Variants in DMD observed in about 807,000 individuals in gnomAD.
DMD encodes the protein mutant dystrophin.
In DMD, 63 loss-of-function variants were observed where a neutral mutation model predicts 330.1. That is an observed-to-expected ratio of 0.19 (90% CI 0.16 to 0.24). The LOEUF (loss-of-function observed/expected upper bound fraction) is 0.24, where lower values mean the gene tolerates loss of function less well. Among genes scored for constraint, DMD ranks in the 10% least tolerant of loss-of-function variants. The pLI, the probability that DMD is intolerant of heterozygous loss-of-function variation, is 1.00. For missense variants in DMD, 3,344 were observed against 2,684.1 expected (o/e 1.25, Z -5.43); for synonymous variants, 1,223 against 959.8 (o/e 1.27, Z -5.07).
intron 44 of DMD, among the ~76,000 whole-genome samples, chrX:32,186,355 G>A (rs182829881): frequency 2.7e-5 from 3 of 110,642 alleles, no homozygotes; most frequent in South Asian, 3.7e-4. Context: ...AATGTAACTC[G>A]CTGTTTTATG....
chrX:32,491,715 A>G (rs1191014379), intron 19 of DMD, among the ~76,000 whole-genome samples, 197 bp from the exon 20 acceptor site: 2 of 111,988 alleles, frequency 1.8e-5, no homozygotes, highest in African/African-American at 6.5e-5. Flanking sequence ...GCGTCACAAC[A>G]ATGAATATCA....
chrX:33,181,212 A>G (rs2049985596), intron 1 of DMD, among the ~76,000 whole-genome samples: 1 of 111,631 alleles, frequency 9.0e-6, no homozygotes, highest in African/African-American at 3.3e-5. Flanking sequence ...GTTAGATTAC[A>G]TGACTGACAG....
intron 41 of DMD, 75 bp downstream of exon 41, chrX:32,342,021 CTTTT>C (rs3833416): frequency 6.6e-5 from 65 of 985,886 alleles, no homozygotes; most frequent in Non-Finnish European, 8.4e-5. Flanking sequence ...TTTTTTGTCT[CTTTT>C]TTTTTTATTA....
At chrX:33,250,832 A>G (rs1300070371) in intron 1 of DMD, among the ~76,000 whole-genome samples, 3 of 111,188 alleles carry the variant, frequency 2.7e-5, no homozygotes, top group East Asian at 2.8e-4. Flanking sequence ...AGAGGAATGC[A>G]GTTGTAAAGA....
At chrX:32,115,209 C>T (rs1441745126) in intron 44 of DMD, among the ~76,000 whole-genome samples, 7 of 111,268 alleles carry the variant, frequency 6.3e-5, no homozygotes, top group Non-Finnish European at 1.1e-4. Flanking sequence ...TCTTTAAAAA[C>T]CATCTAAGGG....
intron 2 of DMD, among the ~76,000 whole-genome samples, chrX:32,887,998 A>G (rs1214978764): frequency 9.1e-6 from 1 of 110,492 alleles, no homozygotes; most frequent in African/African-American, 3.3e-5. Context: ...AAAATATATA[A>G]GAAACCTTAA....
chrX:32,252,268 A>G (rs1004522186), intron 43 of DMD, among the ~76,000 whole-genome samples: 1 of 110,456 alleles, frequency 9.1e-6, no homozygotes, highest in Non-Finnish European at 1.9e-5. Flanking sequence ...CTCTGCTTCA[A>G]TACTTTTCCT....
intron 60 of DMD, among the ~76,000 whole-genome samples, chrX:31,355,229 T>C (rs973892074): frequency 4.5e-5 from 5 of 112,248 alleles, no homozygotes; most frequent in Non-Finnish European, 1.9e-5. Context: ...TTGACCTTTC[T>C]GTTAATTACT....
At chrX:32,317,252 T>G (rs2097585693) in intron 41 of DMD, among the ~76,000 whole-genome samples, 1 of 111,513 alleles carries the variant, frequency 9.0e-6, no homozygotes, top group Admixed American at 9.6e-5. Context: ...ACTAGCCTCA[T>G]TTTCTAGAAA....
At chrX:33,307,293 T>A (rs757635826) in intron 1 of DMD, among the ~76,000 whole-genome samples, 2 of 112,045 alleles carry the variant, frequency 1.8e-5, no homozygotes, top group South Asian at 7.4e-4. Context: ...TAATAAAAAT[T>A]CAGATGTTAT....
At chrX:32,053,746 T>C (rs1009763467) in intron 44 of DMD, among the ~76,000 whole-genome samples, 2 of 111,579 alleles carry the variant, frequency 1.8e-5, no homozygotes, top group Non-Finnish European at 3.8e-5. Context: ...TGCAATCTCC[T>C]AATTGCATCT....
At chrX:31,412,301 G>A (rs911823231) in intron 60 of DMD, among the ~76,000 whole-genome samples, 5 of 110,063 alleles carry the variant, frequency 4.5e-5, no homozygotes, top group African/African-American at 1.7e-4. Context: ...TGCAAGTACT[G>A]TTGATTGTCC....
intron 55 of DMD, among the ~76,000 whole-genome samples, chrX:31,608,503 G>A (rs901842011): frequency 2.7e-5 from 3 of 111,753 alleles, no homozygotes; most frequent in Non-Finnish European, 5.7e-5. Context: ...TTATCATACA[G>A]ATGGCTAATA....
intron 9 of DMD, among the ~76,000 whole-genome samples, chrX:32,680,813 T>TAC (rs370094438): frequency 0.043 from 4,581 of 107,645 alleles, 238 homozygotes; most frequent in African/African-American, 0.13. Context: ...CAGAAACACA[T>TAC]ACACACACAC....
chrX:32,080,512 G>A (rs1349897213), intron 44 of DMD, among the ~76,000 whole-genome samples: 1 of 112,185 alleles, frequency 8.9e-6, no homozygotes, highest in African/African-American at 3.2e-5. Flanking sequence ...CAATATAAGT[G>A]CAAGCTTTTT....
intron 11 of DMD, among the ~76,000 whole-genome samples, chrX:32,628,413 T>A (rs1460219705): frequency 9.4e-6 from 1 of 106,714 alleles, no homozygotes; most frequent in African/African-American, 3.4e-5. Context: ...GATCTCATTC[T>A]TTCTTAGTCA....
At chrX:32,603,294 T>C (rs1485962308) in intron 12 of DMD, among the ~76,000 whole-genome samples, 1 of 110,968 alleles carries the variant, frequency 9.0e-6, no homozygotes, top group African/African-American at 3.3e-5. Flanking sequence ...AAGGAAGAAA[T>C]TAAAACTTTT....
Position 32,226,247 on chromosome X carries a change from T to A in DMD, c.6291-9184A>T, listed in dbSNP as rs186334866. Among the ~76,000 whole-genome samples the A allele has an allele frequency of 9.8e-5, 11 of 112,035 alleles. No homozygotes were observed. The East Asian group carries it at 3.1e-3, about 32-fold the overall frequency. On this transcript the variant is annotated intron_variant, in intron 43 of 78. Transcript: ENST00000357033. Reference sequence around the variant, plus strand: ...CATTCACATAGCCCACCATGTATACTGTACTGAAAACATAGAAAATCTGAA... The same window carrying A: ...CATTCACATAGCCCACCATGTATACAGTACTGAAAACATAGAAAATCTGAA...
intron 60 of DMD, among the ~76,000 whole-genome samples, chrX:31,353,996 A>G (rs974479001): frequency 4.5e-5 from 5 of 112,137 alleles, no homozygotes; most frequent in Non-Finnish European, 9.4e-5. Flanking sequence ...ATAGATCACG[A>G]AAGCTTAGAA....
Sources: gnomAD v4.1 joint callset for allele counts (sites outside exome capture counted in the v4.1 genomes callset) on GRCh38, gnomAD v4.1.1 for gene constraint, MANE v1.5 for transcripts, NCBI Gene and HGNC (gene_info 2026-07-23, HGNC 2026-07-21) for gene names.